Variants in CASQ2 observed in about 807,000 individuals in gnomAD.
CASQ2 encodes calsequestrin 2.
Under a neutral mutation model 46.5 loss-of-function variants are expected in CASQ2, and 49 were observed. The ratio of observed to expected loss-of-function variants is 1.05; its 90% CI spans 0.84 to 1.34. The LOEUF (loss-of-function observed/expected upper bound fraction) is 1.34. CASQ2 is among the 40% of genes most tolerant of loss of function. CASQ2 has a pLI of 0.00. For synonymous variants in CASQ2, 174 were observed against 168.5 expected (o/e 1.03, Z -0.25); for missense variants, 486 against 481.3 (o/e 1.01, Z -0.09).
chr1:115,739,619 G>A (rs1415543951), intron 3 of CASQ2, among the ~76,000 whole-genome samples: 2 of 152,156 alleles, frequency 1.3e-5, no homozygotes, highest in Admixed American at 1.3e-4. Flanking sequence ...ATATGAATGA[G>A]GAAATGCAAT....
intron 8 of CASQ2, 50 bp from the exon 9 acceptor site, chr1:115,705,342 C>G: frequency 8.4e-7 from 1 of 1,195,196 alleles, no homozygotes; most frequent in Non-Finnish European, 1.2e-6. Context: ...TACACAGCTT[C>G]TAATGTGGAG....
chr1:115,725,365 T>C (rs922749884), intron 7 of CASQ2, 143 bp downstream of exon 7: 1 of 950,810 alleles, frequency 1.1e-6, no homozygotes, highest in Non-Finnish European at 1.7e-6. Flanking sequence ...TCGTACCCAA[T>C]CTGTCCATGT....
At chr1:115,731,886 C>T (rs1017084777) in intron 5 of CASQ2, among the ~76,000 whole-genome samples, 1 of 152,114 alleles carries the variant, frequency 6.6e-6, no homozygotes, top group Non-Finnish European at 1.5e-5. Flanking sequence ...GACTCTGGCA[C>T]ATAAAAATTT....
At chr1:115,719,965 T>C (rs1247472172) in intron 7 of CASQ2, among the ~76,000 whole-genome samples, 1 of 152,172 alleles carries the variant, frequency 6.6e-6, no homozygotes, top group African/African-American at 2.4e-5. Flanking sequence ...GTGGCAACAA[T>C]ATCTGCTATT....
intron 4 of CASQ2, among the ~76,000 whole-genome samples, chr1:115,734,897 G>T (rs952420799): frequency 5.3e-5 from 8 of 152,194 alleles, no homozygotes; most frequent in African/African-American, 1.2e-4. Flanking sequence ...AAACCAATTT[G>T]TTGGGGATGA....
chr1:115,756,619 C>T (rs1648769959), intron 1 of CASQ2, among the ~76,000 whole-genome samples: 1 of 152,154 alleles, frequency 6.6e-6, no homozygotes, highest in Non-Finnish European at 1.5e-5. Flanking sequence ...GCAGTGGTGA[C>T]TTTCATGGTA....
chr1:115,747,052 G>GAACT (rs1319262183), intron 1 of CASQ2, among the ~76,000 whole-genome samples: 2 of 152,058 alleles, frequency 1.3e-5, no homozygotes, highest in Non-Finnish European at 2.9e-5. Context: ...TTAAGTCCAA[G>GAACT]AACTCTTTGT....
chr1:115,713,917 C>T (rs1654622851), intron 8 of CASQ2, among the ~76,000 whole-genome samples: 1 of 152,138 alleles, frequency 6.6e-6, no homozygotes, highest in Non-Finnish European at 1.5e-5. Context: ...CTGCATTGCC[C>T]TGGGTCTCCG....
At chr1:115,702,877 G>T in intron 10 of CASQ2, 44 bp downstream of exon 10, 1 of 1,415,612 alleles carries the variant, frequency 7.1e-7, no homozygotes, top group Non-Finnish European at 1.0e-6. Flanking sequence ...AGAAGACAGG[G>T]CAGGCCAAGG....
chr1:115,735,794 T>C (rs939057870), intron 4 of CASQ2, among the ~76,000 whole-genome samples: 1 of 152,194 alleles, frequency 6.6e-6, no homozygotes, highest in African/African-American at 2.4e-5. Context: ...TTGAACTAAG[T>C]GCCCTTGAAG....
In CASQ2 at chr1:115,700,759, G is replaced by A. The variant is rs7521023; in HGVS notation, c.*482C>T. 0.62 allele frequency: 254,902 copies of A among 413,770 alleles called. 79,849 individuals carry two copies. Among genetic ancestry groups the A allele is most frequent in the African/African-American group, 0.72 (35,675 of 49,726 alleles). 25.6% of individuals were successfully genotyped at this position (413,770 alleles called of 1,614,324 possible). On this transcript the variant is annotated 3_prime_UTR_variant, in exon 11 of 11. Coordinates refer to ENST00000261448, the MANE Select transcript of CASQ2 (RefSeq NM_001232.4). ...TTCTCTAAGAAGGATCATCTTGGCT[G>A]GAGGAGGGATCCCAACTGATGTTCG...
Position 115,713,038 on chromosome 1 carries a change from G to A in CASQ2, c.838+4802C>T, listed in dbSNP as rs1351544258. Among the ~76,000 whole-genome samples the A allele has an allele frequency of 2.6e-5, 4 of 152,024 alleles. No homozygotes were observed. The East Asian group carries it at 7.7e-4, about 29-fold the overall frequency. On this transcript the variant is annotated intron_variant, in intron 8 of 10. Coordinates refer to ENST00000261448, the MANE Select transcript of CASQ2 (RefSeq NM_001232.4). ...CAGAGCTTGGAGACGTTCCTTCCAG[G>A]GCCTGTCACTAATTCTGTTCCACGT... is the stretch of plus-strand genomic sequence containing the variant.
chr1:115,765,839 T>C (rs922061730), intron 1 of CASQ2, among the ~76,000 whole-genome samples: 8 of 152,186 alleles, frequency 5.3e-5, no homozygotes, highest in African/African-American at 1.9e-4. Flanking sequence ...CTTTTCCCCC[T>C]ACCCCCTAAC....
At chr1:115,744,079 G>A (rs1235357668) in intron 2 of CASQ2, among the ~76,000 whole-genome samples, 1 of 151,306 alleles carries the variant, frequency 6.6e-6, no homozygotes, top group Non-Finnish European at 1.5e-5. Flanking sequence ...AGGAGGCAGA[G>A]GTTGCAGTGA....
chr1:115,743,602 G>A (rs368974125), intron 2 of CASQ2, among the ~76,000 whole-genome samples: 2 of 151,458 alleles, frequency 1.3e-5, no homozygotes, highest in South Asian at 2.1e-4. Context: ...TGGTCTTCTT[G>A]AAAATAAAAT....
At chr1:115,762,692 A>G (rs1649005491) in intron 1 of CASQ2, among the ~76,000 whole-genome samples, 1 of 152,182 alleles carries the variant, frequency 6.6e-6, no homozygotes, top group African/African-American at 2.4e-5. Context: ...TTTCTATGTA[A>G]GTGTGAAGCT....
intron 8 of CASQ2, among the ~76,000 whole-genome samples, chr1:115,712,442 G>C (rs1251639352): frequency 1.3e-5 from 2 of 152,200 alleles, no homozygotes; most frequent in South Asian, 2.1e-4. Flanking sequence ...GGGCTGGACT[G>C]CTGGGTTTGA....
At chr1:115,768,233 C>T (rs865803538) in intron 1 of CASQ2, 75 bp downstream of exon 1, 1 of 967,978 alleles carries the variant, frequency 1.0e-6, no homozygotes. Context: ...GTTCCCATAT[C>T]CCAACCCCTG....
At position 115,711,597 on chromosome 1, in the gene CASQ2, T is replaced by TTTG. The variant is rs1297796824; in HGVS notation, c.838+6242_838+6243insCAA. 1.8e-3 allele frequency among the ~76,000 whole-genome samples: 268 copies of TTTG among 151,826 alleles called. 2 individuals are homozygous for TTTG. Among genetic ancestry groups the TTTG allele is most frequent in the African/African-American group, 6.3e-3 (260 of 41,366 alleles). ...CAAACTCTTACTCATTTTAAGATTTTTTTTTTTTTCACTACTTTGATCCTT... is the reference window on the plus strand; with the variant it reads ...CAAACTCTTACTCATTTTAAGATTTTTTGTTTTTTTTTCACTACTTTGATCCTT... On this transcript the variant is annotated intron_variant, in intron 8 of 10. Transcript: ENST00000261448.
Sources: gnomAD v4.1 joint callset for allele counts (sites outside exome capture counted in the v4.1 genomes callset) on GRCh38, gnomAD v4.1.1 for gene constraint, MANE v1.5 for transcripts, NCBI Gene and HGNC (gene_info 2026-07-23, HGNC 2026-07-21) for gene names.